The following PPP4R1 variants were observed in gnomAD, a reference collection of about 807,000 sequenced individuals.
PPP4R1 encodes protein phosphatase 4 regulatory subunit 1, also known as serine/threonine-protein phosphatase 4 regulatory subunit 1.
Under a neutral mutation model 111.2 loss-of-function variants are expected in PPP4R1, and 42 were observed. The observed-to-expected ratio is 0.38, with a 90% CI of 0.29 to 0.49. PPP4R1 has a LOEUF of 0.49. Among genes scored for constraint, PPP4R1 ranks in the 20% least tolerant of loss-of-function variants. The probability of loss-of-function intolerance (pLI) is 0.97; values close to 1 mark genes in which losing one functional copy is unlikely to be tolerated. For missense variants in PPP4R1, 1,012 were observed against 1,161.6 expected, an observed-to-expected ratio of 0.87 and a Z score of 1.87; for synonymous variants, 409 against 405.5, an observed-to-expected ratio of 1.01 and a Z score of -0.10.
intron 15 of PPP4R1, among the ~76,000 whole-genome samples, chr18:9,554,567 T>TAAAAA: frequency 6.7e-6 from 1 of 148,376 alleles, no homozygotes; most frequent in South Asian, 2.1e-4. Flanking sequence ...GTAATTTAAT[T>TAAAAA]AAAAAAAAAA....
intron 12 of PPP4R1, 87 bp downstream of exon 12, chr18:9,563,290 TA>T (rs1353281071): frequency 7.1e-7 from 1 of 1,408,122 alleles, no homozygotes; most frequent in Non-Finnish European, 9.5e-7. Flanking sequence ...ACATACAAAC[TA>T]AAAGTGATTA....
At chr18:9,571,612 T>C (rs1444380124) in intron 10 of PPP4R1, among the ~76,000 whole-genome samples, 1 of 151,552 alleles carries the variant, frequency 6.6e-6, no homozygotes, top group Non-Finnish European at 1.5e-5. Context: ...GAGATGGGAG[T>C]GAAGATTAAA....
chr18:9,567,830 A>ACC (rs2066793979), intron 11 of PPP4R1, among the ~76,000 whole-genome samples: 1 of 152,130 alleles, frequency 6.6e-6, no homozygotes, highest in African/African-American at 2.4e-5. Context: ...TGCCACAGCC[A>ACC]CCCCAGCCTT....
chr18:9,614,128 C>G lies in PPP4R1; in HGVS notation c.52+98G>C. On this transcript the variant is annotated intron_variant, in intron 2 of 19. Transcript: ENST00000400556. This position sits in a 1 kb window ranked among gnomAD's most constrained non-coding sequence, Gnocchi z 4.1. Reference sequence around the variant, plus strand: ...CTGGGGCCGCCCTCGCCCACCGTCCCCTCAGCCAGCCAGGGCCCGGCCCAG... The same window carrying G: ...CTGGGGCCGCCCTCGCCCACCGTCCGCTCAGCCAGCCAGGGCCCGGCCCAG... 1 of 1,087,836 alleles carries G rather than the reference C, an allele frequency of 9.2e-7. No homozygotes were observed. Among genetic ancestry groups the G allele is most frequent in the Non-Finnish European group, 1.2e-6 (1 of 858,230 alleles). The allele number at this position is 1,087,836 out of a possible 1,614,324, so 67.4% of individuals were successfully genotyped here.
At chr18:9,559,993 C>T (rs1413986220) in intron 13 of PPP4R1, among the ~76,000 whole-genome samples, 1 of 152,146 alleles carries the variant, frequency 6.6e-6, no homozygotes, top group East Asian at 1.9e-4. Context: ...GCAACATGTT[C>T]ATTAAAAAAA....
chr18:9,602,748 G>T (rs931622857), intron 2 of PPP4R1, among the ~76,000 whole-genome samples: 1 of 151,086 alleles, frequency 6.6e-6, no homozygotes, highest in Non-Finnish European at 1.5e-5. Context: ...TTCAAACCAG[G>T]AGAAGGAAGT....
chr18:9,568,190 C>A (rs2066800926), intron 11 of PPP4R1, among the ~76,000 whole-genome samples: 1 of 152,102 alleles, frequency 6.6e-6, no homozygotes, highest in South Asian at 2.1e-4. Context: ...TGCCCAGCTA[C>A]TATTCAAAAT....
chr18:9,614,323 G>A lies in PPP4R1; in HGVS notation c.8-53C>T. The A allele has an allele frequency of 1.8e-6, 2 of 1,123,226 alleles. No individual in the cohort carries two copies. Among genetic ancestry groups the A allele is most frequent in the Non-Finnish European group, 2.2e-6 (2 of 908,402 alleles). 69.6% of individuals were successfully genotyped at this position (1,123,226 alleles called of 1,614,324 possible). A position where few individuals can be genotyped will look rare whatever the true frequency, so the allele number is the denominator to read the frequency against. The stretch of plus-strand genomic sequence containing the variant: ...CGGTCAGCGCCCCGGGGCCCGGCGC[G>A]ACGCCCCCCCCCCGCCCGCCTCCCC... On this transcript the variant is annotated intron_variant, in intron 1 of 19. Transcript: ENST00000400556. This position sits in a 1 kb window ranked among gnomAD's most constrained non-coding sequence, Gnocchi z 4.1.
chr18:9,589,911 C>A (rs971930356), intron 4 of PPP4R1: 1 of 151,932 alleles, frequency 6.6e-6, no homozygotes, highest in Non-Finnish European at 1.5e-5. Context: ...AACAAACAAA[C>A]AAAAAAACTT....
intron 15 of PPP4R1, among the ~76,000 whole-genome samples, chr18:9,555,581 C>G (rs1188140364): frequency 6.6e-6 from 1 of 152,102 alleles, no homozygotes; most frequent in African/African-American, 2.4e-5. Flanking sequence ...CCACATTAGC[C>G]CTGATGTGGC....
intron 18 of PPP4R1, 67 bp downstream of exon 18, chr18:9,549,984 AG>A: frequency 6.3e-7 from 1 of 1,597,744 alleles, no homozygotes; most frequent in Non-Finnish European, 8.6e-7. Flanking sequence ...AGAGAGAGGT[AG>A]GAAGTTAAAG....
In PPP4R1 at chr18:9,614,477, CCCG is replaced by C. The variant is rs1028302325; in HGVS notation, c.5_7del (p.Ala2del). 65 of 1,034,206 alleles carry C rather than the reference CCCG, an allele frequency of 6.3e-5. No homozygotes were observed. Among genetic ancestry groups the C allele is most frequent in the Non-Finnish European group, 7.5e-5 (65 of 862,306 alleles). The allele number at this position is 1,034,206 out of a possible 1,614,324, so 64.1% of individuals were successfully genotyped here. On this transcript the variant is annotated inframe_deletion and splice_region_variant, in exon 1 of 20. Coordinates refer to ENST00000400556, the MANE Select transcript of PPP4R1 (RefSeq NM_001042388.3). The surrounding 1 kb of genome is among the most constrained non-coding windows in gnomAD (Gnocchi z 4.1). ...CGCCCGGAGAACAGGGGGCCACGTA[CCCG>C]CCATCTTGTGGTCGCCCCCTCCTCC...
chr18:9,555,995 AAC>A (rs146943064), intron 15 of PPP4R1, among the ~76,000 whole-genome samples: 41 of 84,510 alleles, frequency 4.9e-4, no homozygotes, highest in South Asian at 1.6e-3. Context: ...CAAACAAACA[AAC>A]AAAAAAACAC....
intron 16 of PPP4R1, chr18:9,550,647 T>C (rs1330020804): frequency 4.4e-6 from 2 of 455,802 alleles, no homozygotes; most frequent in South Asian, 2.4e-5. Flanking sequence ...TCTGCATCCA[T>C]GGGGACTGAG....
At chr18:9,575,760 C>T (rs569200813) in intron 10 of PPP4R1, among the ~76,000 whole-genome samples, 2 of 152,246 alleles carry the variant, frequency 1.3e-5, no homozygotes, top group East Asian at 3.9e-4. Flanking sequence ...TCTACGGCTG[C>T]TTATACACTG....
At chr18:9,588,281 C>T (rs747369424) in intron 5 of PPP4R1, 46 bp from the exon 6 acceptor site, 1 of 1,561,606 alleles carries the variant, frequency 6.4e-7, no homozygotes, top group Non-Finnish European at 8.7e-7. Context: ...TGCAACATGA[C>T]AAAATTCTAT....
At chr18:9,581,260 G>C (rs974568354) in intron 9 of PPP4R1, among the ~76,000 whole-genome samples, 9 of 151,726 alleles carry the variant, frequency 5.9e-5, no homozygotes, top group African/African-American at 1.9e-4. Context: ...CTTAAAAAAA[G>C]ACTTCAAAGT....
At chr18:9,552,215 C>A (rs2066500370) in intron 16 of PPP4R1, among the ~76,000 whole-genome samples, 1 of 152,148 alleles carries the variant, frequency 6.6e-6, no homozygotes, top group Non-Finnish European at 1.5e-5. Flanking sequence ...TTAAGATAAT[C>A]CAATTTAAAA....
upstream of PPP4R1, among the ~76,000 whole-genome samples, chr18:9,615,527 CT>C (rs1457594802): frequency 6.6e-6 from 1 of 152,204 alleles, no homozygotes; most frequent in East Asian, 1.9e-4. Context: ...GTATCCCAGA[CT>C]TTATTAGTCT....
Sources: allele counts gnomAD v4.1 joint callset (sites outside exome capture counted in the v4.1 genomes callset), GRCh38; gene constraint gnomAD v4.1.1; non-coding constraint Gnocchi (gnomAD v3.1); transcripts MANE v1.5; gene names NCBI Gene and HGNC (gene_info 2026-07-23, HGNC 2026-07-21).